The following ZMIZ1 variants were observed in gnomAD, a reference collection of about 807,000 sequenced individuals.
ZMIZ1 encodes the protein zinc finger MIZ domain-containing protein 1.
A neutral mutation model predicts 113.9 loss-of-function variants in ZMIZ1; 17 were observed. The ratio of observed to expected loss-of-function variants is 0.15; its 90% CI spans 0.10 to 0.22. The LOEUF (loss-of-function observed/expected upper bound fraction) is 0.22. Among genes scored for constraint, ZMIZ1 ranks in the 10% least tolerant of loss-of-function variants. The pLI is 1.00. For synonymous variants in ZMIZ1, 607 were observed against 603.1 expected (o/e 1.01, Z -0.09); for missense variants, 1,059 against 1,477.8 (o/e 0.72, Z 4.65).
intron 1 of ZMIZ1, among the ~76,000 whole-genome samples, chr10:79,108,916 C>T (rs1405267632): frequency 2.0e-5 from 3 of 151,984 alleles, no homozygotes; most frequent in Non-Finnish European, 4.4e-5. Context: ...CACATGCATG[C>T]ACCCAGACCC....
chr10:79,196,673 G>A (rs1847847349), intron 4 of ZMIZ1, among the ~76,000 whole-genome samples: 1 of 152,210 alleles, frequency 6.6e-6, no homozygotes, highest in Non-Finnish European at 1.5e-5. Flanking sequence ...AAACAGAAAA[G>A]AACTGCCTCT....
intron 1 of ZMIZ1, among the ~76,000 whole-genome samples, chr10:79,102,414 G>A (rs1843398405): frequency 6.6e-6 from 1 of 152,222 alleles, no homozygotes; most frequent in South Asian, 2.1e-4. Context: ...CCCGCCCTCT[G>A]CTCCATCAGC....
At chr10:79,282,650 G>T (rs574699827) in intron 8 of ZMIZ1, among the ~76,000 whole-genome samples, 1 of 152,338 alleles carries the variant, frequency 6.6e-6, no homozygotes, top group Non-Finnish European at 1.5e-5. Flanking sequence ...TGACCTCTTG[G>T]CCTCGTGGTT....
At chr10:79,254,347 G>A (rs140331834) in intron 7 of ZMIZ1, among the ~76,000 whole-genome samples, 12 of 152,234 alleles carry the variant, frequency 7.9e-5, no homozygotes, top group South Asian at 2.1e-4. Flanking sequence ...GTCATTGCCC[G>A]CCATCCCAGG....
intron 1 of ZMIZ1, among the ~76,000 whole-genome samples, chr10:79,075,576 C>CCTGCACACAT (rs1554846541): frequency 2.5e-4 from 37 of 149,378 alleles, no homozygotes; most frequent in African/African-American, 7.9e-4. Context: ...CATGCACACA[C>CCTGCACACAT]ATGCACACAT....
At chr10:79,288,508 C>T (rs1216429907) in intron 8 of ZMIZ1, among the ~76,000 whole-genome samples, 1 of 151,502 alleles carries the variant, frequency 6.6e-6, no homozygotes, top group Non-Finnish European at 1.5e-5. Flanking sequence ...CAATTTCCCT[C>T]CCCCAACACA....
At chr10:79,183,994 T>G (rs886346987) in intron 4 of ZMIZ1, among the ~76,000 whole-genome samples, 3 of 152,032 alleles carry the variant, frequency 2.0e-5, no homozygotes, top group African/African-American at 7.2e-5. Context: ...CTTCATAGGG[T>G]TGTTTAAAGG....
Position 79,306,252 on chromosome 10 carries a change from T to C in ZMIZ1, c.2576T>C (p.Met859Thr). The change falls in exon 22 of 25, where the codon ATG becomes ACG. Residue 859 changes from methionine to threonine, a missense_variant. Physicochemically the swap from Met to Thr is moderately conservative, Grantham distance 81 (BLOSUM62 -1). Around this residue, in one of 6 missense-constraint regions of ZMIZ1, gnomAD observed 217 missense variants for 426.9 expected, o/e 0.51. Coordinates refer to ENST00000334512, the MANE Select transcript of ZMIZ1 (RefSeq NM_020338.4). ...AGCCAGATGATCATGCCCAATGTCA[T>C]GGAGATGATCGCAGCCCTGGGCCCC... ...SPSQMIMPNV[M>T]EMIAALGPGP... is the part of the protein sequence containing the mutation. The C allele has an allele frequency of 1.9e-6, 3 of 1,614,098 alleles. No individual in the cohort carries two copies. Among genetic ancestry groups the C allele is most frequent in the Non-Finnish European group, 2.5e-6 (3 of 1,180,010 alleles).
intron 21 of ZMIZ1, 142 bp from the exon 22 acceptor site, chr10:79,305,958 G>C: frequency 2.3e-6 from 3 of 1,329,512 alleles, no homozygotes; most frequent in Non-Finnish European, 3.0e-6. Flanking sequence ...TCCCTGCCAG[G>C]CTTCCGCCTC....
rs553224992 is a variant in ZMIZ1, at chr10:79,286,033, T to A, written c.426-3742T>A. Reference sequence around the variant, plus strand: ...TGGAGCAGGATTGTTGGGGCCGTTTTGGCTGGACAGGACTGTGGCTGGGAG... The same window carrying A: ...TGGAGCAGGATTGTTGGGGCCGTTTAGGCTGGACAGGACTGTGGCTGGGAG... On this transcript the variant is annotated intron_variant, in intron 8 of 24. Coordinates refer to ENST00000334512, the MANE Select transcript of ZMIZ1 (RefSeq NM_020338.4). Among the ~76,000 whole-genome samples, 176 of 152,348 alleles carry A rather than the reference T, an allele frequency of 1.2e-3. 1 individual carries two copies. The highest frequency in any genetic ancestry group is 1.7e-3 in the Non-Finnish European group (118 of 68,038).
At chr10:79,096,493 CAG>C (rs1229851491) in intron 1 of ZMIZ1, among the ~76,000 whole-genome samples, 1 of 151,186 alleles carries the variant, frequency 6.6e-6, no homozygotes, top group Non-Finnish European at 1.5e-5. Flanking sequence ...GCCTGGGCGA[CAG>C]AGTGAGACTC....
chr10:79,286,780 G>A (rs1031350579), intron 8 of ZMIZ1, among the ~76,000 whole-genome samples: 59 of 152,254 alleles, frequency 3.9e-4, no homozygotes, highest in African/African-American at 1.2e-3. Context: ...GAGCTTGTTC[G>A]TGGGCCTGTG....
intron 5 of ZMIZ1, among the ~76,000 whole-genome samples, chr10:79,208,011 TCTTTGCAATGGGGCTA>T (rs969556128): frequency 1.3e-5 from 2 of 150,952 alleles, no homozygotes; most frequent in Non-Finnish European, 3.0e-5. Context: ...GGTTTTCCTG[TCTTTGCAATGGGGCTA>T]CTAATCCACT....
At chr10:79,290,041 C>T (rs1410532827) in intron 9 of ZMIZ1, 152 bp downstream of exon 9, 12 of 772,220 alleles carry the variant, frequency 1.6e-5, no homozygotes, top group Non-Finnish European at 2.3e-5. Context: ...CACGTCTCCA[C>T]CCCTGGCAGG....
At chr10:79,280,929 T>G (rs1852695297) in intron 8 of ZMIZ1, among the ~76,000 whole-genome samples, 1 of 152,180 alleles carries the variant, frequency 6.6e-6, no homozygotes, top group Non-Finnish European at 1.5e-5. Flanking sequence ...CTCGGGAAGC[T>G]TTACCTTATT....
At position 79,091,988 on chromosome 10, in the gene ZMIZ1, A is replaced by G. The variant is rs1017703194; in HGVS notation, c.-337+22718A>G. ...GTCCCTGAGGTGTACTTCAGGACCA[A>G]CCAGGCTCCCTGTACTGGGTGGGAT... On this transcript the variant is annotated intron_variant, in intron 1 of 24. Transcript: ENST00000334512. Among the ~76,000 whole-genome samples, 6 of 152,184 alleles carry G rather than the reference A, an allele frequency of 3.9e-5. No individual in the cohort carries two copies. The East Asian group carries it at 9.7e-4, about 25-fold the overall frequency.
At chr10:79,130,729 C>T (rs1844725054) in intron 2 of ZMIZ1, among the ~76,000 whole-genome samples, 1 of 152,146 alleles carries the variant, frequency 6.6e-6, no homozygotes, top group African/African-American at 2.4e-5. Flanking sequence ...TCAATGACAT[C>T]ATTTCTGAAA....
chr10:79,120,823 A>G (rs893212285), intron 2 of ZMIZ1, among the ~76,000 whole-genome samples: 3 of 152,180 alleles, frequency 2.0e-5, no homozygotes, highest in African/African-American at 4.8e-5. Context: ...TACTCTCTGA[A>G]TCATGGGCAT....
At chr10:79,148,750 C>T (rs184249238) in intron 3 of ZMIZ1, among the ~76,000 whole-genome samples, 10 of 152,328 alleles carry the variant, frequency 6.6e-5, no homozygotes, top group Admixed American at 2.0e-4. Context: ...TTACTACTGC[C>T]GTCTTGTAGT....
Sources: allele counts gnomAD v4.1 joint callset (sites outside exome capture counted in the v4.1 genomes callset), GRCh38; gene constraint gnomAD v4.1.1; regional missense constraint gnomAD v4.1.1; transcripts MANE v1.5; gene names NCBI Gene and HGNC (gene_info 2026-07-23, HGNC 2026-07-21).